Variants in SYT9 observed in about 807,000 individuals in gnomAD.
SYT9 encodes synaptotagmin 9.
In SYT9, 22 loss-of-function variants were observed where a neutral mutation model predicts 48.4. The ratio of observed to expected loss-of-function variants is 0.45; its 90% CI spans 0.32 to 0.65. The LOEUF is 0.65. SYT9 is among the 30% of genes least tolerant of loss of function. The probability of loss-of-function intolerance (pLI) is 0.03; values close to 1 mark genes in which losing one functional copy is unlikely to be tolerated. For missense variants in SYT9, 577 were observed against 622.0 expected, an observed-to-expected ratio of 0.93 and a Z score of 0.77; for synonymous variants, 265 against 245.0, an observed-to-expected ratio of 1.08 and a Z score of -0.76.
chr11:7,420,758 C>T, intron 6 of SYT9, 123 bp downstream of exon 6: 1 of 1,234,456 alleles, frequency 8.1e-7, no homozygotes, highest in South Asian at 1.5e-5. Context: ...TTCCTGGTTG[C>T]ATTTCCTGGG....
intron 1 of SYT9, among the ~76,000 whole-genome samples, chr11:7,253,166 A>G (rs1033674464): frequency 6.6e-6 from 1 of 152,230 alleles, no homozygotes; most frequent in African/African-American, 2.4e-5. Context: ...AGGTCGTCTC[A>G]TCCGTTACTG....
At chr11:7,366,108 C>T (rs1850236492) in intron 3 of SYT9, among the ~76,000 whole-genome samples, 1 of 152,204 alleles carries the variant, frequency 6.6e-6, no homozygotes, top group Admixed American at 6.5e-5. Context: ...ATCCTGGCTC[C>T]CATGATTCGT....
chr11:7,406,906 T>A (rs1847025853), intron 3 of SYT9, among the ~76,000 whole-genome samples: 1 of 152,174 alleles, frequency 6.6e-6, no homozygotes, highest in Non-Finnish European at 1.5e-5. Flanking sequence ...TAAGATGATA[T>A]CTCAATGTGG....
At chr11:7,360,186 G>C (rs1301292454) in intron 3 of SYT9, among the ~76,000 whole-genome samples, 1 of 152,104 alleles carries the variant, frequency 6.6e-6, no homozygotes, top group Non-Finnish European at 1.5e-5. Flanking sequence ...ATTTCTGAGG[G>C]CTCTGTTCTG....
At position 7,370,725 on chromosome 11, in the gene SYT9, C is replaced by T. The variant is rs1458772100; in HGVS notation, c.1045-45317C>T. Among the ~76,000 whole-genome samples, 5 of 152,066 alleles carry T rather than the reference C, an allele frequency of 3.3e-5. No homozygotes were observed. The East Asian group carries it at 9.7e-4, about 29-fold the overall frequency. On this transcript the variant is annotated intron_variant, in intron 3 of 6. Coordinates refer to ENST00000318881, the MANE Select transcript of SYT9 (RefSeq NM_175733.4). ...GAAGAATAAGCCTCAAAAATGTTGTCAAGTTGGGATAAATATGGAGATAAT... is the reference window on the plus strand; with the variant it reads ...GAAGAATAAGCCTCAAAAATGTTGTTAAGTTGGGATAAATATGGAGATAAT...
chr11:7,361,534 C>A (rs1205513854), intron 3 of SYT9, among the ~76,000 whole-genome samples: 2 of 152,102 alleles, frequency 1.3e-5, no homozygotes, highest in African/African-American at 2.4e-5. Context: ...TATGTGTTCC[C>A]TAGATCAAAC....
At chr11:7,420,949 G>C (rs985169120) in intron 6 of SYT9, among the ~76,000 whole-genome samples, 2 of 152,174 alleles carry the variant, frequency 1.3e-5, no homozygotes, top group Non-Finnish European at 2.9e-5. Context: ...GTGTGGGTGA[G>C]TGGGGACTTT....
chr11:7,433,689 T>G (rs1183554055), intron 6 of SYT9, among the ~76,000 whole-genome samples: 1 of 152,156 alleles, frequency 6.6e-6, no homozygotes, highest in East Asian at 1.9e-4. Context: ...GGAAACTTGT[T>G]TGCCCCTTCT....
intron 3 of SYT9, among the ~76,000 whole-genome samples, chr11:7,377,237 A>T (rs1405712423): frequency 6.6e-6 from 1 of 151,706 alleles, no homozygotes; most frequent in Non-Finnish European, 1.5e-5. Flanking sequence ...CAACCCAGAG[A>T]ATTAGTTAAC....
intron 3 of SYT9, among the ~76,000 whole-genome samples, chr11:7,405,609 C>G (rs770336435): frequency 6.6e-6 from 1 of 152,082 alleles, no homozygotes; most frequent in Non-Finnish European, 1.5e-5. Flanking sequence ...TGCTCAAATA[C>G]CACAACCACA....
chr11:7,338,213 T>G (rs752591733), intron 3 of SYT9, among the ~76,000 whole-genome samples: 21 of 152,286 alleles, frequency 1.4e-4, no homozygotes, highest in South Asian at 4.1e-4. Flanking sequence ...TTACATCTCC[T>G]TTGTCATTTC....
At chr11:7,376,332 C>T (rs76844774) in intron 3 of SYT9, among the ~76,000 whole-genome samples, 4,292 of 148,882 alleles carry the variant, frequency 0.029, 190 homozygotes, top group African/African-American at 0.097. Context: ...CTCTCTTTCT[C>T]TCTCCCTCTT....
intron 3 of SYT9, among the ~76,000 whole-genome samples, chr11:7,393,960 C>CT (rs71059105): frequency 6.9e-6 from 1 of 145,516 alleles, no homozygotes; most frequent in East Asian, 2.0e-4. Flanking sequence ...ATTTCTTTTT[C>CT]TTTTTTTTTT....
At chr11:7,332,867 C>T (rs1849565333) in intron 3 of SYT9, among the ~76,000 whole-genome samples, 3 of 152,224 alleles carry the variant, frequency 2.0e-5, no homozygotes, top group Non-Finnish European at 4.4e-5. Flanking sequence ...TCAGCAATTT[C>T]ATCTCTGAAG....
chr11:7,459,424 G>T (rs186515098), intron 6 of SYT9, among the ~76,000 whole-genome samples: 92 of 152,292 alleles, frequency 6.0e-4, no homozygotes, highest in Admixed American at 3.9e-3. Context: ...CTGAGAAGGA[G>T]CAAGTCATTG....
At chr11:7,297,096 G>GAC (rs1482186393) in intron 1 of SYT9, among the ~76,000 whole-genome samples, 44 of 151,520 alleles carry the variant, frequency 2.9e-4, no homozygotes, top group Admixed American at 6.6e-4. Flanking sequence ...GAGAGAGAGA[G>GAC]AGAGACAGAG....
intron 1 of SYT9, among the ~76,000 whole-genome samples, chr11:7,241,751 C>T (rs574154468): frequency 2.6e-5 from 4 of 152,296 alleles, no homozygotes; most frequent in East Asian, 1.9e-4. Context: ...TAATTCATTT[C>T]GATGTGTGGA....
At chr11:7,425,699 T>G (rs1320202288) in intron 6 of SYT9, among the ~76,000 whole-genome samples, 1 of 152,150 alleles carries the variant, frequency 6.6e-6, no homozygotes, top group African/African-American at 2.4e-5. Flanking sequence ...GGCTGCCAAT[T>G]CCATGCATTG....
intron 2 of SYT9, among the ~76,000 whole-genome samples, chr11:7,306,211 C>A (rs1287283182): frequency 2.0e-5 from 3 of 152,076 alleles, no homozygotes; most frequent in Non-Finnish European, 4.4e-5. Flanking sequence ...TTCTCTACTC[C>A]AAATGTATGA....
Sources: gnomAD v4.1 joint callset for allele counts (sites outside exome capture counted in the v4.1 genomes callset) on GRCh38, gnomAD v4.1.1 for gene constraint, MANE v1.5 for transcripts, NCBI Gene and HGNC (gene_info 2026-07-23, HGNC 2026-07-21) for gene names.